PPP2R5E: variants seen among roughly 807,000 people sequenced by gnomAD.
PPP2R5E encodes the protein serine/threonine-protein phosphatase 2A 56 kDa regulatory subunit epsilon isoform.
In PPP2R5E, 4 loss-of-function variants were observed where a neutral mutation model predicts 65.3. The ratio of observed to expected loss-of-function variants is 0.06; its 90% CI spans 0.03 to 0.14. PPP2R5E has a LOEUF of 0.14. Among genes scored for constraint, PPP2R5E ranks in the 10% least tolerant of loss-of-function variants. PPP2R5E has a pLI of 1.00. For missense variants in PPP2R5E, 274 were observed against 556.1 expected, an observed-to-expected ratio of 0.49 and a Z score of 5.10; for synonymous variants, 183 against 187.4, an observed-to-expected ratio of 0.98 and a Z score of 0.19.
At chr14:63,395,125 C>G in intron 7 of PPP2R5E, 101 bp downstream of exon 7, 2 of 939,154 alleles carry the variant, frequency 2.1e-6, no homozygotes, top group South Asian at 1.5e-5. Flanking sequence ...ACCCAATGTA[C>G]ATACAGCAAG....
intron 2 of PPP2R5E, among the ~76,000 whole-genome samples, chr14:63,469,516 A>AC (rs1186724294): frequency 2.6e-5 from 4 of 151,724 alleles, no homozygotes; most frequent in Admixed American, 6.6e-5. Flanking sequence ...CACGGTGAAA[A>AC]CCCATCTCTA....
chr14:63,433,869 C>T (rs1461926281), intron 3 of PPP2R5E, among the ~76,000 whole-genome samples: 14 of 152,104 alleles, frequency 9.2e-5, no homozygotes, highest in Admixed American at 9.2e-4. Flanking sequence ...TGTGACTTGC[C>T]CTGTCTTGAC....
chr14:63,521,944 C>CCCCTCT (rs1892923830), intron 2 of PPP2R5E, among the ~76,000 whole-genome samples: 1 of 112,174 alleles, frequency 8.9e-6, no homozygotes, highest in African/African-American at 4.0e-5. Context: ...CGCTGCCCTC[C>CCCCTCT]CCCTCCCCCT....
chr14:63,400,444 G>T (rs1226073232), intron 5 of PPP2R5E, among the ~76,000 whole-genome samples: 2 of 152,158 alleles, frequency 1.3e-5, no homozygotes, highest in African/African-American at 4.8e-5. Flanking sequence ...GCTCCTCACA[G>T]GTTCAATAGT....
At chr14:63,427,915 C>G (rs1310809244) in intron 3 of PPP2R5E, among the ~76,000 whole-genome samples, 1 of 152,184 alleles carries the variant, frequency 6.6e-6, no homozygotes, top group Non-Finnish European at 1.5e-5. Context: ...CCTTCTGATA[C>G]ATCACTTCCA....
intron 2 of PPP2R5E, among the ~76,000 whole-genome samples, chr14:63,468,856 C>G (rs1349155518): frequency 6.6e-6 from 1 of 152,124 alleles, no homozygotes; most frequent in Non-Finnish European, 1.5e-5. Flanking sequence ...ATTAACCTCC[C>G]ACTAAAATAA....
At chr14:63,472,574 C>A (rs1055158170) in intron 2 of PPP2R5E, among the ~76,000 whole-genome samples, 2 of 152,168 alleles carry the variant, frequency 1.3e-5, no homozygotes, top group East Asian at 1.9e-4. Context: ...ACCAGCACAG[C>A]CTAAGGTCAA....
intron 2 of PPP2R5E, among the ~76,000 whole-genome samples, chr14:63,496,490 G>A (rs1891578092): frequency 6.7e-6 from 1 of 149,236 alleles, no homozygotes; most frequent in Non-Finnish European, 1.5e-5. Context: ...AATTAAATTT[G>A]CCAAACCAAC....
chr14:63,447,327 T>G (rs1358749092), intron 3 of PPP2R5E, among the ~76,000 whole-genome samples: 1 of 152,260 alleles, frequency 6.6e-6, no homozygotes. Context: ...TCTGGACAAC[T>G]TGCGGCAGCT....
At chr14:63,377,580 A>G (rs1172773928) in intron 13 of PPP2R5E, among the ~76,000 whole-genome samples, 5 of 152,208 alleles carry the variant, frequency 3.3e-5, no homozygotes, top group African/African-American at 7.2e-5. Context: ...ACCATATGGG[A>G]GCACAAACCA....
At chr14:63,441,078 G>A (rs1402470305) in intron 3 of PPP2R5E, among the ~76,000 whole-genome samples, 1 of 151,954 alleles carries the variant, frequency 6.6e-6, no homozygotes, top group Non-Finnish European at 1.5e-5. Flanking sequence ...CTACAAAATG[G>A]TATCTATTAG....
chr14:63,457,998 G>A (rs1229514303), intron 2 of PPP2R5E, among the ~76,000 whole-genome samples: 4 of 151,802 alleles, frequency 2.6e-5, no homozygotes, highest in Non-Finnish European at 4.4e-5. Context: ...TTATATCACC[G>A]TCTTCCAGTA....
rs551835377 is a variant in PPP2R5E, at chr14:63,387,052, A to T, written c.1075-2481T>A. 3.3e-5 allele frequency among the ~76,000 whole-genome samples: 5 copies of T among 152,308 alleles called. No individual in the cohort carries two copies. In the South Asian group the frequency reaches 1.0e-3, roughly 32 times the overall value. Reference sequence around the variant, plus strand: ...AAGGAGGACAGAGGCATGGACGAGGACAATGTGTTTGGGAATCATCAAAGC... The same window carrying T: ...AAGGAGGACAGAGGCATGGACGAGGTCAATGTGTTTGGGAATCATCAAAGC... On this transcript the variant is annotated intron_variant, in intron 11 of 13. Transcript: ENST00000337537.
At chr14:63,526,440 T>G (rs925657554) in intron 2 of PPP2R5E, among the ~76,000 whole-genome samples, 1 of 152,250 alleles carries the variant, frequency 6.6e-6, no homozygotes, top group Non-Finnish European at 1.5e-5. Flanking sequence ...TATTCTCTGA[T>G]AGAAGTAAGC....
chr14:63,455,425 C>G (rs1426334156), intron 2 of PPP2R5E, among the ~76,000 whole-genome samples: 3 of 152,138 alleles, frequency 2.0e-5, no homozygotes, highest in Non-Finnish European at 4.4e-5. Flanking sequence ...TAGCATCACT[C>G]CTACTCTCAG....
chr14:63,394,069 CCTTTTT>C (rs2139788568), intron 7 of PPP2R5E, 141 bp from the exon 8 acceptor site: 2 of 306,676 alleles, frequency 6.5e-6, no homozygotes, highest in Non-Finnish European at 1.2e-5. Context: ...TTCAGAATTT[CCTTTTT>C]TTTTTTTTTT....
intron 5 of PPP2R5E, among the ~76,000 whole-genome samples, chr14:63,399,475 G>A (rs2139812681): frequency 7.1e-6 from 1 of 140,730 alleles, no homozygotes; most frequent in Admixed American, 7.5e-5. Context: ...CGCCTTCCGG[G>A]TTCAAGCGAT....
intron 2 of PPP2R5E, among the ~76,000 whole-genome samples, chr14:63,523,556 G>A (rs932711097): frequency 2.0e-5 from 3 of 150,340 alleles, no homozygotes; most frequent in Non-Finnish European, 3.0e-5. Context: ...CAAGTACCCA[G>A]GGACACAAAC....
chr14:63,524,314 G>T (rs1015717605), intron 2 of PPP2R5E, among the ~76,000 whole-genome samples: 5 of 152,138 alleles, frequency 3.3e-5, no homozygotes, highest in Non-Finnish European at 7.3e-5. Context: ...CAGGTCCACA[G>T]GGCTGACTTC....
Sources: allele counts gnomAD v4.1 joint callset (sites outside exome capture counted in the v4.1 genomes callset), GRCh38; gene constraint gnomAD v4.1.1; transcripts MANE v1.5; gene names NCBI Gene and HGNC (gene_info 2026-07-23, HGNC 2026-07-21).